Variants in CAPS2 observed in about 807,000 individuals in gnomAD.
CAPS2 encodes the protein calcyphosin-2.
A neutral mutation model predicts 86.5 loss-of-function variants in CAPS2; 98 were observed. That is an observed-to-expected ratio of 1.13 (90% confidence interval 0.96 to 1.34). The LOEUF (loss-of-function observed/expected upper bound fraction) is 1.34. CAPS2 is among the 40% of genes most tolerant of loss of function. The pLI is 0.00. For synonymous variants in CAPS2, 210 were observed against 225.1 expected, an observed-to-expected ratio of 0.93 and a Z score of 0.60; for missense variants, 729 against 686.8, an observed-to-expected ratio of 1.06 and a Z score of -0.69.
rs140276369 is a variant in CAPS2 at position 75,381,247 on chromosome 12, G to A, written c.-395+9591C>T. Among the ~76,000 whole-genome samples, 776 of 152,202 alleles carry A rather than the reference G, an allele frequency of 5.1e-3. 7 individuals are homozygous for A. The highest frequency in any genetic ancestry group is 0.014 in the Admixed American group (215 of 15,292). On this transcript the variant is annotated intron_variant, in intron 1 of 5. Coordinates refer to the CAPS2 transcript ENST00000551829. ...TGCTTCTTCCTCATTCTCTCTTGTC[G>A]CCGCCATGTAAGAAGTGGCTTTAGC... is the stretch of plus-strand genomic sequence containing the variant.
At chr12:75,295,421 T>G (rs971614333) in intron 11 of CAPS2, among the ~76,000 whole-genome samples, 8 of 152,228 alleles carry the variant, frequency 5.3e-5, no homozygotes, top group African/African-American at 1.9e-4. Context: ...CCTTTTGCAC[T>G]TATTTAGTCT....
chr12:75,287,269 C>T (rs1217634778), intron 14 of CAPS2, among the ~76,000 whole-genome samples: 1 of 151,812 alleles, frequency 6.6e-6, no homozygotes, highest in Non-Finnish European at 1.5e-5. Flanking sequence ...CTTCTTTCAC[C>T]TTAAGCTCCT....
chr12:75,333,277 CAG>C (rs2041467212), upstream of CAPS2, among the ~76,000 whole-genome samples: 2 of 151,464 alleles, frequency 1.3e-5, no homozygotes, highest in Non-Finnish European at 2.9e-5. Context: ...TGTATACAAA[CAG>C]ATTTATACAT....
chr12:75,316,381 T>A, exon 6 of CAPS2: 1 of 1,551,136 alleles, frequency 6.4e-7, no homozygotes, highest in South Asian at 1.2e-5. Flanking sequence ...GTAAGATGGC[T>A]TTCCTATCCA....
At chr12:75,366,481 A>G (rs937095842) in intron 1 of CAPS2, among the ~76,000 whole-genome samples, 1 of 152,188 alleles carries the variant, frequency 6.6e-6, no homozygotes, top group Non-Finnish European at 1.5e-5. Context: ...TAAAATGTGC[A>G]AAACAGACCA....
chr12:75,325,207 A>C, intron 2 of CAPS2, 32 bp downstream of exon 3: 1 of 1,539,184 alleles, frequency 6.5e-7, no homozygotes, highest in South Asian at 1.2e-5. Flanking sequence ...TGTGCCCATT[A>C]AACAGTCCAA....
downstream of CAPS2, chr12:75,276,103 AACG>A (rs1241029292): frequency 1.8e-5 from 21 of 1,181,742 alleles, no homozygotes; most frequent in Non-Finnish European, 2.0e-5. Flanking sequence ...CATGATCAGA[AACG>A]AATACATCCA....
At chr12:75,331,701 C>A (rs912749167), upstream of CAPS2, among the ~76,000 whole-genome samples, 2 of 150,526 alleles carry the variant, frequency 1.3e-5, no homozygotes, top group Admixed American at 6.6e-5. Flanking sequence ...GTAGCTGGGA[C>A]TACAGGCGCC....
intron 6 of CAPS2, 34 bp from the exon 7 acceptor site, chr12:75,312,949 C>T (rs746542820): frequency 7.7e-7 from 1 of 1,298,992 alleles, no homozygotes; most frequent in Non-Finnish European, 1.1e-6. Context: ...CTTCACCATC[C>T]ATAAAGCAGA....
chr12:75,278,758 CAAAA>C, exon 17 of CAPS2: 1 of 1,329,004 alleles, frequency 7.5e-7, no homozygotes, highest in East Asian at 2.8e-5. Context: ...CAAAACAAAA[CAAAA>C]CAAACAAACA....
upstream of CAPS2, among the ~76,000 whole-genome samples, chr12:75,327,045 C>T (rs1258730323): frequency 6.6e-6 from 1 of 152,124 alleles, no homozygotes; most frequent in Admixed American, 6.6e-5. Flanking sequence ...CAGAAAGAAC[C>T]TGCCCTGTTG....
chr12:75,275,979 T>C (rs987483768), downstream of CAPS2: 3 of 369,288 alleles, frequency 8.1e-6, no homozygotes, highest in Admixed American at 1.4e-4. Context: ...GCACAGTGGC[T>C]CCAATATGAA....
chr12:75,281,499 A>C (rs1394571220), intron 16 of CAPS2, among the ~76,000 whole-genome samples: 1 of 152,006 alleles, frequency 6.6e-6, no homozygotes, highest in Non-Finnish European at 1.5e-5. Flanking sequence ...TGAGTGTAAA[A>C]AGCAAATTAT....
At chr12:75,292,384 A>T (rs2036128467) in intron 12 of CAPS2, among the ~76,000 whole-genome samples, 1 of 152,012 alleles carries the variant, frequency 6.6e-6, no homozygotes, top group African/African-American at 2.4e-5. Context: ...TTTTGTAACA[A>T]TTTTAATGTT....
At chr12:75,302,505 C>T (rs1220940337) in intron 8 of CAPS2, among the ~76,000 whole-genome samples, 1 of 152,072 alleles carries the variant, frequency 6.6e-6, no homozygotes, top group Non-Finnish European at 1.5e-5. Flanking sequence ...AAGGAATATA[C>T]AAAGGACATT....
chr12:75,388,511 T>C (rs538974157), intron 1 of CAPS2, among the ~76,000 whole-genome samples: 64 of 152,156 alleles, frequency 4.2e-4, no homozygotes, highest in Non-Finnish European at 7.1e-4. Flanking sequence ...TTTACACACA[T>C]ATTACTAAGT....
intron 15 of CAPS2, among the ~76,000 whole-genome samples, chr12:75,284,589 A>G (rs2034541527): frequency 6.6e-6 from 1 of 152,160 alleles, no homozygotes; most frequent in African/African-American, 2.4e-5. Flanking sequence ...TGGTATATGC[A>G]TTATCTTATT....
At chr12:75,304,831 T>C in exon 8 of CAPS2, 1 of 1,612,286 alleles carries the variant, frequency 6.2e-7, no homozygotes, top group Non-Finnish European at 8.5e-7. Flanking sequence ...GATCACTTTC[T>C]TTTTGCTCAA....
intron 1 of CAPS2, among the ~76,000 whole-genome samples, chr12:75,357,845 A>G (rs1281448464): frequency 6.6e-6 from 1 of 151,914 alleles, no homozygotes; most frequent in African/African-American, 2.4e-5. Flanking sequence ...ATGCTATTAA[A>G]ACAGTAATTA....
Sources: gnomAD v4.1 joint callset for allele counts (sites outside exome capture counted in the v4.1 genomes callset) on GRCh38, gnomAD v4.1.1 for gene constraint, MANE v1.5 for transcripts, NCBI Gene and HGNC (gene_info 2026-07-23, HGNC 2026-07-21) for gene names.